PRKCH: variants seen among roughly 807,000 people sequenced by gnomAD.
PRKCH encodes protein kinase C eta.
A neutral mutation model predicts 82.5 loss-of-function variants in PRKCH; 28 were observed. The ratio of observed to expected loss-of-function variants is 0.34; its 90% CI spans 0.25 to 0.47. PRKCH has a LOEUF of 0.47. Ranked by LOEUF, PRKCH falls within the 20% of genes least tolerant of loss-of-function variation. PRKCH has a pLI of 1.00. For missense variants in PRKCH, 705 were observed against 881.8 expected (o/e 0.80, Z 2.54); for synonymous variants, 322 against 327.4 (o/e 0.98, Z 0.18).
chr14:61,399,289 A>C (rs1594663444), intron 2 of PRKCH, among the ~76,000 whole-genome samples: 1 of 152,262 alleles, frequency 6.6e-6, no homozygotes, highest in African/African-American at 2.4e-5. Flanking sequence ...ACAAATTTCA[A>C]GAATATCTGC....
At chr14:61,324,743 G>T (rs2045672907) in intron 1 of PRKCH, among the ~76,000 whole-genome samples, 1 of 152,182 alleles carries the variant, frequency 6.6e-6, no homozygotes, top group African/African-American at 2.4e-5. Flanking sequence ...ACAGGTGTGA[G>T]CCACTGCATC....
At chr14:61,465,479 C>T (rs1166138956) in intron 9 of PRKCH, among the ~76,000 whole-genome samples, 2 of 152,166 alleles carry the variant, frequency 1.3e-5, no homozygotes, top group Non-Finnish European at 2.9e-5. Context: ...ATTGAAGGGA[C>T]AGTCCTTTCT....
chr14:61,391,059 G>T (rs1388572556), intron 1 of PRKCH, among the ~76,000 whole-genome samples, 166 bp from the exon 2 acceptor site: 3 of 152,148 alleles, frequency 2.0e-5, no homozygotes, highest in Non-Finnish European at 4.4e-5. Context: ...ACAGTTTTTT[G>T]AGCTTTCACT....
At chr14:61,508,561 G>A (rs903162829) in intron 10 of PRKCH, among the ~76,000 whole-genome samples, 20 of 152,076 alleles carry the variant, frequency 1.3e-4, no homozygotes, top group Admixed American at 3.3e-4. Context: ...TGTATGTTCT[G>A]GTCAGTCTTC....
At chr14:61,432,194 T>A (rs1289337650) in intron 2 of PRKCH, among the ~76,000 whole-genome samples, 1 of 152,200 alleles carries the variant, frequency 6.6e-6, no homozygotes, top group Non-Finnish European at 1.5e-5. Flanking sequence ...TTAACTCCAG[T>A]CACTTTCCTC....
intron 10 of PRKCH, among the ~76,000 whole-genome samples, chr14:61,493,700 T>C (rs1233495426): frequency 2.0e-5 from 3 of 152,110 alleles, no homozygotes; most frequent in Admixed American, 2.0e-4. Context: ...AGTGGATTTA[T>C]ATTTTACTTT....
chr14:61,232,053 A>C (rs1235091766), intron 1 of PRKCH, among the ~76,000 whole-genome samples: 1 of 152,126 alleles, frequency 6.6e-6, no homozygotes, highest in African/African-American at 2.4e-5. Context: ...CCACCTCCCC[A>C]ACTGCCCAAC....
chr14:61,317,570 A>T (rs983816348), upstream of PRKCH, among the ~76,000 whole-genome samples: 19 of 152,164 alleles, frequency 1.2e-4, no homozygotes, highest in Non-Finnish European at 2.4e-4. Flanking sequence ...CATGGTGCCA[A>T]GCCCATGTGG....
intron 1 of PRKCH, among the ~76,000 whole-genome samples, chr14:61,374,033 A>G (rs2046398337): frequency 6.6e-6 from 1 of 152,166 alleles, no homozygotes; most frequent in Admixed American, 6.5e-5. Context: ...TCTAAGATGC[A>G]ATGGGGGTAC....
At chr14:61,306,568 GT>G (rs2045487055) in intron 1 of PRKCH, 1 of 152,196 alleles carries the variant, frequency 6.6e-6, no homozygotes, top group Non-Finnish European at 1.5e-5. Flanking sequence ...TGCAATGTTT[GT>G]TGTCAAATGT....
intron 10 of PRKCH, among the ~76,000 whole-genome samples, chr14:61,486,127 A>G (rs1313930530): frequency 1.3e-5 from 2 of 152,232 alleles, no homozygotes; most frequent in Non-Finnish European, 2.9e-5. Context: ...GTTCAGCCCC[A>G]GTTTGCTAAG....
At chr14:61,448,419 T>G (rs1383450238) in intron 4 of PRKCH, among the ~76,000 whole-genome samples, 2 of 152,208 alleles carry the variant, frequency 1.3e-5, no homozygotes, top group Non-Finnish European at 2.9e-5. Flanking sequence ...AACAGTTGAT[T>G]AAGCCATTCA....
intron 2 of PRKCH, among the ~76,000 whole-genome samples, chr14:61,423,299 A>G (rs1275684862): frequency 2.0e-5 from 3 of 152,220 alleles, no homozygotes; most frequent in African/African-American, 7.2e-5. Context: ...TTGGACACTC[A>G]TTACGACAGA....
In PRKCH at chr14:61,281,870, C is replaced by CTTTTTTTT. The variant is rs71117807; in HGVS notation, c.-19+94226_-19+94233dup. The CTTTTTTTT allele has an allele frequency of 7.1e-4, 67 of 94,858 alleles. 5 individuals carry two copies. Among genetic ancestry groups the CTTTTTTTT allele is most frequent in the African/African-American group, 2.6e-3 (51 of 19,892 alleles). The allele number at this position is 94,858 out of a possible 1,614,324, so 5.9% of individuals were successfully genotyped here. On this transcript the variant is annotated intron_variant, in intron 1 of 3. Coordinates refer to the PRKCH transcript ENST00000555185. ...TTCAACGCCTGCGTTCAAATTTTAG[C>CTTTTTTTT]TTTTTTTTTTTTTTTTTTTTTTTTT...
intron 7 of PRKCH, among the ~76,000 whole-genome samples, chr14:61,456,103 T>A (rs1884754322): frequency 1.3e-5 from 2 of 152,264 alleles, no homozygotes; most frequent in African/African-American, 4.8e-5. Flanking sequence ...GTTTATTGAA[T>A]GTGCCAGGCA....
intron 12 of PRKCH, among the ~76,000 whole-genome samples, chr14:61,541,445 A>G (rs748083287): frequency 2.6e-5 from 4 of 152,150 alleles, no homozygotes; most frequent in African/African-American, 4.8e-5. Flanking sequence ...CCTTTTCCCC[A>G]TTTAGGATCA....
At chr14:61,206,007 A>G (rs1303928996) in intron 1 of PRKCH, among the ~76,000 whole-genome samples, 1 of 152,218 alleles carries the variant, frequency 6.6e-6, no homozygotes. Context: ...CTTTTGGGGA[A>G]AAGGTACCAA....
chr14:61,375,459 A>C (rs756305467), intron 1 of PRKCH, among the ~76,000 whole-genome samples: 7 of 152,176 alleles, frequency 4.6e-5, no homozygotes, highest in Non-Finnish European at 7.3e-5. Flanking sequence ...GTATTAGTCT[A>C]TTCTCACACT....
chr14:61,425,453 C>G (rs942806802), intron 2 of PRKCH, among the ~76,000 whole-genome samples: 1 of 152,200 alleles, frequency 6.6e-6, no homozygotes, highest in Non-Finnish European at 1.5e-5. Context: ...AATAACTGCC[C>G]CACTGGATTT....
Sources: gnomAD v4.1 joint callset for allele counts (sites outside exome capture counted in the v4.1 genomes callset) on GRCh38, gnomAD v4.1.1 for gene constraint, MANE v1.5 for transcripts, NCBI Gene and HGNC (gene_info 2026-07-23, HGNC 2026-07-21) for gene names.